Variants in ATP7B observed in about 807,000 individuals in gnomAD.
The protein encoded by ATP7B is ATPase copper transporting beta.
Under a neutral mutation model 118.9 loss-of-function variants are expected in ATP7B, and 113 were observed. That is an observed-to-expected ratio of 0.95 (90% CI 0.82 to 1.11). The LOEUF (loss-of-function observed/expected upper bound fraction) is 1.11, where lower values mean the gene tolerates loss of function less well. Ranked by LOEUF, ATP7B falls within the 50% of genes most tolerant of loss-of-function variation. The probability of loss-of-function intolerance (pLI) is 0.00; values close to 1 mark genes in which losing one functional copy is unlikely to be tolerated. For synonymous variants in ATP7B, 777 were observed against 727.4 expected (o/e 1.07, Z -1.10); for missense variants, 1,867 against 1,871.4 (o/e 1.00, Z 0.04).
intron 8 of ATP7B, 79 bp downstream of exon 8, chr13:51,958,221 ATAATTAGTAAT>A: frequency 7.8e-6 from 11 of 1,407,064 alleles, no homozygotes; most frequent in Non-Finnish European, 1.1e-5. Flanking sequence ...TATGCTGTGT[ATAATTAGTAAT>A]TCTAAACATG....
At chr13:51,956,749 A>G (rs1428287891) in intron 9 of ATP7B, among the ~76,000 whole-genome samples, 2 of 152,236 alleles carry the variant, frequency 1.3e-5, no homozygotes, top group African/African-American at 4.8e-5. Context: ...TGCCTAGAAT[A>G]TAAAAAAGAA....
chr13:52,010,720 C>T lies in ATP7B; in HGVS notation c.51+567G>A, dbSNP rs1020497353. 9.9e-5 allele frequency among the ~76,000 whole-genome samples: 15 copies of T among 152,224 alleles called. 1 individual carries two copies. Among genetic ancestry groups the T allele is most frequent in the Non-Finnish European group, 2.9e-5 (2 of 68,052 alleles). ...TGTTAACCACTGTATCAACTCAACA[C>T]TGTGTGCCTGAAACATAGAAAGTTC... On this transcript the variant is annotated intron_variant, in intron 1 of 20. Transcript: ENST00000242839.
At chr13:52,008,278 T>G (rs1315083083) in intron 1 of ATP7B, among the ~76,000 whole-genome samples, 1 of 152,198 alleles carries the variant, frequency 6.6e-6, no homozygotes, top group Non-Finnish European at 1.5e-5. Flanking sequence ...AGGCACAGGT[T>G]GCAGTGAACC....
rs771531973 is a variant in ATP7B, at chr13:51,961,370, G to A, written c.1946+467C>T. The stretch of plus-strand genomic sequence containing the variant: ...AATAATGAATGATCTCAGGTCTCCC[G>A]CGCCTGGGCCATTTTCTTTCCACTC... On this transcript the variant is annotated intron_variant, in intron 6 of 20. Coordinates refer to ENST00000242839, the MANE Select transcript of ATP7B (RefSeq NM_000053.4). Among the ~76,000 whole-genome samples, 61 of 151,804 alleles carry A rather than the reference G, an allele frequency of 4.0e-4. 1 individual carries two copies. Among genetic ancestry groups the A allele is most frequent in the Non-Finnish European group, 3.5e-4 (24 of 67,990 alleles).
chr13:51,974,408 C>G lies in ATP7B; in HGVS notation c.812G>C (p.Cys271Ser). 6.2e-7 allele frequency: 1 copy of G among 1,613,986 alleles called. No homozygotes were observed. The highest frequency in any genetic ancestry group is 8.5e-7 in the Non-Finnish European group (1 of 1,180,036). The stretch of plus-strand genomic sequence containing the variant: ...AATATTTTCTTCAATATTCAAGACG[C>G]AAGACTTACAATGCATTCCATCTAT... ...LRIDGMHCKS[C>S]VLNIEENIGQ... The change falls in exon 2 of 21, where the codon TGC becomes TCC. Residue 271 changes from cysteine (C) to serine (S), a missense_variant. Cys to Ser is a moderately radical substitution (Grantham distance 112). Transcript: ENST00000242839.
chr13:51,995,391 C>A (rs926434527), intron 1 of ATP7B: 9 of 955,888 alleles, frequency 9.4e-6, no homozygotes, highest in Non-Finnish European at 1.1e-5. Context: ...GGAGTGCCTT[C>A]CTCCACAGTA....
chr13:51,968,475 T>TA lies in ATP7B; in HGVS notation c.1675dup (p.Tyr559LeufsTer9). 4 of 1,614,206 alleles carry TA rather than the reference T, an allele frequency of 2.5e-6. No homozygotes were observed. The highest frequency in any genetic ancestry group is 3.4e-6 in the Non-Finnish European group (4 of 1,180,040). On this transcript the variant is annotated frameshift_variant, in exon 4 of 21. Coordinates refer to ENST00000242839, the MANE Select transcript of ATP7B (RefSeq NM_000053.4). LOFTEE classifies it high-confidence loss of function. ...CTCAATGTTGCCATCGGAGCCTGCG[T>TA]AGTCCTCCATGACTGCTGCCTCAAA...
intron 17 of ATP7B, among the ~76,000 whole-genome samples, chr13:51,938,824 T>C (rs145283823): frequency 6.6e-6 from 1 of 152,362 alleles, no homozygotes; most frequent in East Asian, 1.9e-4. Context: ...GGAACTCCTT[T>C]TTTTCCAGGA....
At position 51,939,173 on chromosome 13, in the gene ATP7B, C is replaced by G. The variant is rs769531525; in HGVS notation, c.3577G>C (p.Ala1193Pro). 6.2e-7 allele frequency: 1 copy of G among 1,613,702 alleles called. No individual in the cohort carries two copies. The highest frequency in any genetic ancestry group is 2.2e-5 in the East Asian group (1 of 44,892). Residue 1193 changes from alanine (A) to proline (P), a missense_variant, in exon 17 of 21, where the codon GCA becomes CCA. Coordinates refer to ENST00000242839, the MANE Select transcript of ATP7B (RefSeq NM_000053.4). ...TCCTGCTTGACAGCGTCTGCGATTG[C>G]GATCATCCCACAGAGCACACCTGGA... Reference protein sequence around the residue: ...AIDGVLCGMIAIADAVKQEAA... With the variant: ...AIDGVLCGMIPIADAVKQEAA...
chr13:51,948,852 C>T (rs1222136076), intron 12 of ATP7B, among the ~76,000 whole-genome samples: 1 of 152,134 alleles, frequency 6.6e-6, no homozygotes, highest in Non-Finnish European at 1.5e-5. Flanking sequence ...CATTGCCTCA[C>T]ATACAATGTT....
Position 51,974,096 on chromosome 13 carries a change from T to C in ATP7B, c.1124A>G (p.His375Arg), listed in dbSNP as rs764228054. The C allele has an allele frequency of 1.5e-5, 24 of 1,613,800 alleles. No individual in the cohort carries two copies. In the South Asian group the frequency reaches 2.4e-4, roughly 16 times the overall value. ...IAGMTCASCVHSIEGMISQLE... is the reference protein window; with the variant it reads ...IAGMTCASCVRSIEGMISQLE... ...TTGGGAGATCATGCCTTCAATGGAA[T>C]GGACACAGGATGCACAGGTCATGCC... The change falls in exon 2 of 21, where the codon CAT (histidine) becomes CGT (arginine). Residue 375 changes from histidine to arginine, a missense_variant. His to Arg is a conservative substitution (Grantham distance 29). Coordinates refer to ENST00000242839, the MANE Select transcript of ATP7B (RefSeq NM_000053.4).
chr13:51,962,050 T>G (rs1958784805), intron 5 of ATP7B, 137 bp from the exon 6 acceptor site: 1 of 695,276 alleles, frequency 1.4e-6, no homozygotes, highest in Non-Finnish European at 2.5e-6. Flanking sequence ...GTGGGTTTTC[T>G]GCTTACAACT....
At chr13:51,984,380 G>A (rs376074022) in intron 1 of ATP7B, among the ~76,000 whole-genome samples, 86 of 152,094 alleles carry the variant, frequency 5.7e-4, no homozygotes, top group African/African-American at 2.1e-3. Context: ...GAATGAAAAG[G>A]AACAAACAAA....
rs61733683 is a variant in ATP7B, at chr13:51,961,873, T to C, written c.1910A>G (p.Asn637Ser). The C allele has an allele frequency of 1.2e-4, 200 of 1,614,102 alleles. No homozygotes were observed. Among genetic ancestry groups the C allele is most frequent in the Non-Finnish European group, 1.6e-4 (187 of 1,179,978 alleles). Residue 637 changes from asparagine (N) to serine (S), a missense_variant, in exon 6 of 21, where the codon AAC becomes AGC. Asn to Ser is a conservative substitution (Grantham distance 46). Transcript: ENST00000242839. ...FHASLAQRNP[N>S]AHHLDHKMEI... ...CATCTTGTGGTCCAAGTGATGAGCG[T>C]TGGGGTTTCTCTGGGCCAGGGAAGC... is the stretch of plus-strand genomic sequence containing the variant.
At chr13:51,938,868 G>T (rs547199818) in intron 17 of ATP7B, among the ~76,000 whole-genome samples, 183 bp downstream of exon 17, 1 of 152,110 alleles carries the variant, frequency 6.6e-6, no homozygotes, top group Non-Finnish European at 1.5e-5. Context: ...AGAGATCTTC[G>T]CACAGCACCA....
intron 1 of ATP7B, among the ~76,000 whole-genome samples, chr13:51,979,244 T>C (rs1045267856): frequency 2.0e-5 from 3 of 152,214 alleles, no homozygotes; most frequent in African/African-American, 7.2e-5. Context: ...CAAGGGTGTG[T>C]AGTTCACTGA....
chr13:51,987,724 A>C (rs1340700267), intron 1 of ATP7B, among the ~76,000 whole-genome samples: 1 of 152,212 alleles, frequency 6.6e-6, no homozygotes, highest in Non-Finnish European at 1.5e-5. Context: ...GATATAGACC[A>C]ATGGAACAGA....
At chr13:51,958,274 A>G (rs1958483388) in intron 8 of ATP7B, 37 bp downstream of exon 8, 1 of 1,597,972 alleles carries the variant, frequency 6.3e-7, no homozygotes, top group Non-Finnish European at 8.6e-7. Context: ...TGTTTACTGA[A>G]GGAGCAGCTC....
Position 52,004,012 on chromosome 13 carries a change from C to T in ATP7B, c.51+7275G>A, listed in dbSNP as rs148939894. 4.6e-3 allele frequency among the ~76,000 whole-genome samples: 696 copies of T among 152,256 alleles called. 5 individuals are homozygous for T. Among genetic ancestry groups the T allele is most frequent in the African/African-American group, 0.015 (635 of 41,544 alleles). On this transcript the variant is annotated intron_variant, in intron 1 of 20. Transcript: ENST00000242839. Reference sequence around the variant, plus strand: ...GGTGGCTCACACCTGTAATCCAGCACTTTGGGAGGCCGAGGGGGGCGGATT... The same window carrying T: ...GGTGGCTCACACCTGTAATCCAGCATTTTGGGAGGCCGAGGGGGGCGGATT...
Sources: allele counts gnomAD v4.1 joint callset (sites outside exome capture counted in the v4.1 genomes callset), GRCh38; gene constraint gnomAD v4.1.1; transcripts MANE v1.5; gene names NCBI Gene and HGNC (gene_info 2026-07-23, HGNC 2026-07-21).